The following CD300E variants were observed in gnomAD, a reference collection of about 807,000 sequenced individuals.
CD300E encodes CMRF35-like molecule 2.
In CD300E, 14 loss-of-function variants were observed where a neutral mutation model predicts 20.9. That is an observed-to-expected ratio of 0.67 (90% CI 0.44 to 1.05). The LOEUF is 1.05. Ranked by LOEUF, CD300E falls within the 50% of genes least tolerant of loss-of-function variation. The pLI, the probability that CD300E is intolerant of heterozygous loss-of-function variation, is 0.00. For missense variants in CD300E, 237 were observed against 253.9 expected (o/e 0.93, Z 0.45); for synonymous variants, 102 against 103.7 (o/e 0.98, Z 0.10).
chr17:74,616,006 C>T (rs2030891315), intron 2 of CD300E, among the ~76,000 whole-genome samples: 1 of 152,120 alleles, frequency 6.6e-6, no homozygotes, highest in African/African-American at 2.4e-5. Flanking sequence ...GGATCACGAG[C>T]CCAGGAGGCG....
Position 74,623,699 on chromosome 17 carries a change from T to C in CD300E, c.-78A>G, listed in dbSNP as rs1351822283. ...CCAAGTATATGTAACGGAGCCTGGG[T>C]CATCCACTTTCTACTTGTCCAAGTT... On this transcript the variant is annotated 5_prime_UTR_variant, in exon 1 of 4. Coordinates refer to ENST00000392619, the MANE Select transcript of CD300E (RefSeq NM_181449.3). 2 of 1,452,004 alleles carry C rather than the reference T, an allele frequency of 1.4e-6. No individual in the cohort carries two copies. The highest frequency in any genetic ancestry group is 2.3e-5 in the South Asian group (2 of 87,864). The allele number at this position is 1,452,004 out of a possible 1,614,324, so 89.9% of individuals were successfully genotyped here. A position where few individuals can be genotyped will look rare whatever the true frequency, so the allele number is the denominator to read the frequency against.
chr17:74,616,401 G>A (rs962457752), intron 2 of CD300E, among the ~76,000 whole-genome samples: 13 of 152,180 alleles, frequency 8.5e-5, no homozygotes, highest in Non-Finnish European at 1.3e-4. Flanking sequence ...CCAAGGTTGA[G>A]AATGTCAAGG....
At chr17:74,618,704 C>T (rs1355890466) in intron 1 of CD300E, among the ~76,000 whole-genome samples, 6 of 152,184 alleles carry the variant, frequency 3.9e-5, no homozygotes, top group Admixed American at 1.3e-4. Context: ...GCTGCCACCA[C>T]GCACACCTTC....
intron 1 of CD300E, 82 bp downstream of exon 1, chr17:74,623,500 C>A: frequency 7.2e-7 from 1 of 1,388,842 alleles, no homozygotes; most frequent in Non-Finnish European, 1.0e-6. Flanking sequence ...CACTTCACCT[C>A]TGGTTTGAAC....
rs41458047 is a variant in CD300E at position 74,623,656 on chromosome 17, C to A, written c.-35G>T. ...TCCTTGGCTTCCGTCCTCAGCAAAT[C>A]TAGGTCCCAGCTGGAATCCAAGTAT... On this transcript the variant is annotated 5_prime_UTR_variant, in exon 1 of 4. Transcript: ENST00000392619. 1 of 1,613,426 alleles carries A rather than the reference C, an allele frequency of 6.2e-7. No individual in the cohort carries two copies. Among genetic ancestry groups the A allele is most frequent in the Admixed American group, 1.7e-5 (1 of 60,022 alleles).
At position 74,617,381 on chromosome 17, in the gene CD300E, T is replaced by C; in HGVS notation, c.125A>G (p.Tyr42Cys). ...LTVWCQYESM[Y>C]KGYNKYWCRG... is the part of the protein sequence containing the mutation. The stretch of plus-strand genomic sequence containing the variant: ...GCACCAGTACTTGTTATATCCCTTG[T>C]ACATGCTCTCATACTGACACCACAC... Residue 42 changes from tyrosine to cysteine, a missense_variant, in exon 2 of 4, where the codon TAC becomes TGC. Transcript: ENST00000392619. The C allele has an allele frequency of 1.2e-6, 2 of 1,614,164 alleles. No individual in the cohort carries two copies. Among genetic ancestry groups the C allele is most frequent in the Non-Finnish European group, 1.7e-6 (2 of 1,180,026 alleles).
chr17:74,621,718 C>A (rs541062606), intron 1 of CD300E, among the ~76,000 whole-genome samples: 2 of 152,332 alleles, frequency 1.3e-5, no homozygotes, highest in African/African-American at 4.8e-5. Context: ...TTATTCTTGA[C>A]ACCTCCATGG....
intron 1 of CD300E, among the ~76,000 whole-genome samples, chr17:74,618,889 A>C (rs1394936803): frequency 1.3e-5 from 2 of 149,120 alleles, no homozygotes; most frequent in Non-Finnish European, 3.0e-5. Flanking sequence ...TCCCTTGACC[A>C]CAGCAAAGTG....
Position 74,615,620 on chromosome 17 carries a change from C to A in CD300E, c.388+1498G>T, listed in dbSNP as rs189773600. On this transcript the variant is annotated intron_variant, in intron 2 of 3. Coordinates refer to ENST00000392619, the MANE Select transcript of CD300E (RefSeq NM_181449.3). ...GGTGGATTTTAGACAGGGCGACCAA[C>A]TTTCCCAGGACTTTTCTAGCCTTAG... Among the ~76,000 whole-genome samples, 160 of 152,234 alleles carry A rather than the reference C, an allele frequency of 1.1e-3. 1 individual carries two copies. Among genetic ancestry groups the A allele is most frequent in the African/African-American group, 3.6e-3 (148 of 41,484 alleles).
intron 3 of CD300E, 79 bp downstream of exon 3, chr17:74,613,846 G>C (rs2030836996): frequency 4.8e-6 from 4 of 832,706 alleles, no homozygotes; most frequent in Non-Finnish European, 6.0e-6. Context: ...ACGATCTCAG[G>C]TCACGGTGCG....
intron 3 of CD300E, 57 bp downstream of exon 3, chr17:74,613,868 C>T (rs2030838449): frequency 1.7e-6 from 2 of 1,192,876 alleles, no homozygotes; most frequent in Non-Finnish European, 2.4e-6. Context: ...CACCCCCACC[C>T]CCCAGCTTCC....
chr17:74,616,614 A>G (rs900705614), intron 2 of CD300E, among the ~76,000 whole-genome samples: 7 of 152,020 alleles, frequency 4.6e-5, no homozygotes, highest in African/African-American at 1.7e-4. Flanking sequence ...CATAGGGCGG[A>G]AGTTGTGATG....
intron 1 of CD300E, among the ~76,000 whole-genome samples, chr17:74,621,938 T>C (rs894032337): frequency 6.6e-6 from 1 of 152,124 alleles, no homozygotes; most frequent in Non-Finnish European, 1.5e-5. Context: ...GTGTAATAAA[T>C]AGAATTCTAG....
chr17:74,623,540 C>T (rs778274305), intron 1 of CD300E, 42 bp downstream of exon 1: 3 of 1,608,408 alleles, frequency 1.9e-6, no homozygotes, highest in South Asian at 1.1e-5. Flanking sequence ...TACTGTCCTG[C>T]CCCCTGCAAA....
chr17:74,614,104 G>T, intron 2 of CD300E, 71 bp from the exon 3 acceptor site: 1 of 1,175,394 alleles, frequency 8.5e-7, no homozygotes, highest in Admixed American at 1.8e-5. Flanking sequence ...CCGTATGGAT[G>T]TCATACAGAA....
Position 74,612,767 on chromosome 17 carries a change from C to T in CD300E, c.504G>A (p.Arg168=). ...CGAGCAGGAAGTGAGGGCTGCTGAG[C>T]CGGAACCTGTGGTGGACACGGTGAA... The part of the protein sequence containing the change: ...GEVLTQNSGF[R]LSSPHFLLVV... Residue 168 remains arginine, a synonymous_variant, in exon 4 of 4, where the codon CGG becomes CGA. Transcript: ENST00000392619. The T allele has an allele frequency of 6.2e-7, 1 of 1,613,776 alleles. No homozygotes were observed. The highest frequency in any genetic ancestry group is 8.5e-7 in the Non-Finnish European group (1 of 1,179,918).
chr17:74,618,274 A>C (rs913481724), intron 1 of CD300E, among the ~76,000 whole-genome samples: 1 of 152,232 alleles, frequency 6.6e-6, no homozygotes, highest in African/African-American at 2.4e-5. Context: ...GAGCCCCCCA[A>C]TATCTTAAGC....
intron 2 of CD300E, among the ~76,000 whole-genome samples, chr17:74,614,780 C>T (rs1002062062): frequency 1.4e-4 from 21 of 152,170 alleles, no homozygotes; most frequent in African/African-American, 5.1e-4. Flanking sequence ...CCGCGCCCGG[C>T]CCATGTGGAA....
At chr17:74,613,705 C>A (rs570629190) in intron 3 of CD300E, among the ~76,000 whole-genome samples, 2 of 152,310 alleles carry the variant, frequency 1.3e-5, no homozygotes, top group East Asian at 3.9e-4. Context: ...CAACCTTCGA[C>A]CTGAGTCCCA....
Sources: allele counts gnomAD v4.1 joint callset (sites outside exome capture counted in the v4.1 genomes callset), GRCh38; gene constraint gnomAD v4.1.1; transcripts MANE v1.5; gene names NCBI Gene and HGNC (gene_info 2026-07-23, HGNC 2026-07-21).